ACTR3B: variants seen among roughly 807,000 people sequenced by gnomAD.
ACTR3B encodes actin-related protein 3B.
In ACTR3B, 8 loss-of-function variants were observed where a neutral mutation model predicts 59.0. The ratio of observed to expected loss-of-function variants is 0.14; its 90% CI spans 0.08 to 0.24. The LOEUF (loss-of-function observed/expected upper bound fraction) is 0.24. ACTR3B is among the 10% of genes least tolerant of loss of function. The pLI is 1.00. For synonymous variants in ACTR3B, 148 were observed against 197.9 expected (o/e 0.75, Z 2.12); for missense variants, 245 against 552.3 (o/e 0.44, Z 5.58).
At chr7:152,807,084 C>T (rs1309739118) in intron 4 of ACTR3B, among the ~76,000 whole-genome samples, 3 of 152,074 alleles carry the variant, frequency 2.0e-5, no homozygotes, top group African/African-American at 7.2e-5. Flanking sequence ...GTAAGTCTGT[C>T]TGTGGATAAA....
chr7:152,775,754 C>T (rs752351750), intron 1 of ACTR3B, among the ~76,000 whole-genome samples: 1 of 147,564 alleles, frequency 6.8e-6, no homozygotes, highest in Admixed American at 6.7e-5. Context: ...AGCGAAACTC[C>T]GTCTCAAAAA....
intron 1 of ACTR3B, among the ~76,000 whole-genome samples, chr7:152,771,711 T>C (rs2098124323): frequency 6.6e-6 from 1 of 152,214 alleles, no homozygotes; most frequent in Non-Finnish European, 1.5e-5. Context: ...AATATTAATA[T>C]AAGGACTCAC....
chr7:152,792,408 G>T (rs1385787234), intron 2 of ACTR3B, among the ~76,000 whole-genome samples: 1 of 151,580 alleles, frequency 6.6e-6, no homozygotes, highest in East Asian at 1.9e-4. Flanking sequence ...TCTCTTTAGA[G>T]AACTTCCTTT....
chr7:152,807,983 C>A (rs947513578), intron 4 of ACTR3B, among the ~76,000 whole-genome samples: 2 of 152,180 alleles, frequency 1.3e-5, no homozygotes, highest in African/African-American at 4.8e-5. Flanking sequence ...TCTCCAGAAG[C>A]CTTTTCATCT....
At chr7:152,804,583 G>A (rs1308918169) in intron 4 of ACTR3B, among the ~76,000 whole-genome samples, 1 of 152,194 alleles carries the variant, frequency 6.6e-6, no homozygotes, top group African/African-American at 2.4e-5. Flanking sequence ...CGTAGGGTGA[G>A]AATGGCAGGA....
At chr7:152,765,313 C>G (rs2098105890) in intron 1 of ACTR3B, among the ~76,000 whole-genome samples, 1 of 151,710 alleles carries the variant, frequency 6.6e-6, no homozygotes, top group African/African-American at 2.4e-5. Context: ...GACGGGGTTT[C>G]TCCATGTTGG....
intron 1 of ACTR3B, among the ~76,000 whole-genome samples, chr7:152,769,886 C>T (rs2098120049): frequency 6.7e-6 from 1 of 149,528 alleles, no homozygotes; most frequent in South Asian, 2.1e-4. Context: ...AAAAAAAAAG[C>T]CTTTTACTTC....
At chr7:152,764,368 A>G (rs2098101085) in intron 1 of ACTR3B, among the ~76,000 whole-genome samples, 1 of 152,038 alleles carries the variant, frequency 6.6e-6, no homozygotes, top group African/African-American at 2.4e-5. Flanking sequence ...AGTGGCTCAC[A>G]CCTGTAGTCC....
intron 2 of ACTR3B, among the ~76,000 whole-genome samples, chr7:152,795,432 A>G (rs1326183037): frequency 6.6e-6 from 1 of 152,244 alleles, no homozygotes; most frequent in East Asian, 1.9e-4. Context: ...AAATAATTGT[A>G]TATGTTTATT....
At chr7:152,785,603 G>C (rs1288604807) in intron 2 of ACTR3B, among the ~76,000 whole-genome samples, 1 of 142,384 alleles carries the variant, frequency 7.0e-6, no homozygotes, top group Admixed American at 7.1e-5. Flanking sequence ...AGATGTGGAA[G>C]TGAGGCCCTG....
At chr7:152,817,810 A>C (rs1309649867) in intron 6 of ACTR3B, among the ~76,000 whole-genome samples, 1 of 152,242 alleles carries the variant, frequency 6.6e-6, no homozygotes, top group African/African-American at 2.4e-5. Flanking sequence ...AATGGTCACC[A>C]TTTCATTTTG....
intron 1 of ACTR3B, among the ~76,000 whole-genome samples, chr7:152,773,055 G>A (rs868193417): frequency 5.3e-5 from 8 of 152,194 alleles, no homozygotes; most frequent in African/African-American, 1.4e-4. Context: ...CCTTTGAAAT[G>A]TAAAAGTAAA....
intron 1 of ACTR3B, among the ~76,000 whole-genome samples, chr7:152,773,986 G>A (rs2116551301): frequency 6.6e-6 from 1 of 152,318 alleles, no homozygotes; most frequent in African/African-American, 2.4e-5. Context: ...TAGGGAGTGT[G>A]TTGGGCTCGT....
At chr7:152,853,013 G>C (rs993011938) in intron 10 of ACTR3B, among the ~76,000 whole-genome samples, 1 of 151,944 alleles carries the variant, frequency 6.6e-6, no homozygotes, top group Non-Finnish European at 1.5e-5. Flanking sequence ...GGATGGTCTC[G>C]ATCTCCTGAC....
rs2116598683 is a variant in ACTR3B, at chr7:152,780,649, CA to C, written c.45-2534del. ...GGGCCATAGTTATGATTTCAGGGTA[CA>C]AAACTTTGGGATGGAAATGAGGCAT... On this transcript the variant is annotated intron_variant, in intron 1 of 11. Coordinates refer to ENST00000256001, the MANE Select transcript of ACTR3B (RefSeq NM_020445.6). 2.6e-5 allele frequency among the ~76,000 whole-genome samples: 4 copies of C among 151,112 alleles called. No homozygotes were observed. In the East Asian group the frequency reaches 7.9e-4, roughly 30 times the overall value.
At chr7:152,772,849 A>G (rs1414208585) in intron 1 of ACTR3B, among the ~76,000 whole-genome samples, 4 of 151,866 alleles carry the variant, frequency 2.6e-5, no homozygotes, top group East Asian at 1.9e-4. Flanking sequence ...TGTCAACACA[A>G]TGATAACATG....
At chr7:152,838,597 G>A (rs1797644847) in intron 9 of ACTR3B, among the ~76,000 whole-genome samples, 1 of 151,622 alleles carries the variant, frequency 6.6e-6, no homozygotes, top group Admixed American at 6.6e-5. Context: ...CGGGTTGGTG[G>A]GTGCAGCAAA....
chr7:152,804,722 T>A (rs180819761), intron 4 of ACTR3B, among the ~76,000 whole-genome samples: 98 of 151,082 alleles, frequency 6.5e-4, no homozygotes, highest in African/African-American at 2.1e-3. Context: ...AGTGGGAGAA[T>A]ATGGATTTTC....
intron 7 of ACTR3B, among the ~76,000 whole-genome samples, chr7:152,821,930 T>C (rs953081052): frequency 6.6e-6 from 1 of 152,248 alleles, no homozygotes; most frequent in African/African-American, 2.4e-5. Context: ...GCATGAATCC[T>C]GAACCTTAAG....
Sources: gnomAD v4.1 joint callset for allele counts (sites outside exome capture counted in the v4.1 genomes callset) on GRCh38, gnomAD v4.1.1 for gene constraint, MANE v1.5 for transcripts, NCBI Gene and HGNC (gene_info 2026-07-23, HGNC 2026-07-21) for gene names.